The following ANKH variants were observed in gnomAD, a reference collection of about 807,000 sequenced individuals.
ANKH encodes the protein mineralization regulator ANKH.
In ANKH, 15 loss-of-function variants were observed where a neutral mutation model predicts 49.0. That is an observed-to-expected ratio of 0.31 (90% CI 0.20 to 0.47). The LOEUF is 0.47. Among genes scored for constraint, ANKH ranks in the 20% least tolerant of loss-of-function variants. The pLI, the probability that ANKH is intolerant of heterozygous loss-of-function variation, is 1.00. For missense variants in ANKH, 429 were observed against 652.0 expected (o/e 0.66, Z 3.72); for synonymous variants, 273 against 260.0 (o/e 1.05, Z -0.48).
intron 1 of ANKH, among the ~76,000 whole-genome samples, chr5:14,832,154 T>C (rs999045408): frequency 1.3e-5 from 2 of 152,154 alleles, no homozygotes; most frequent in African/African-American, 4.8e-5. Flanking sequence ...TATATATATA[T>C]TTTCTGGTCT....
intron 9 of ANKH, among the ~76,000 whole-genome samples, chr5:14,715,454 G>A (rs541989429): frequency 4.3e-4 from 66 of 152,286 alleles, no homozygotes; most frequent in African/African-American, 1.5e-3. Flanking sequence ...TTAACATTGT[G>A]GCTTTGTAGA....
At chr5:14,795,736 T>C (rs956197540) in intron 1 of ANKH, among the ~76,000 whole-genome samples, 1 of 152,032 alleles carries the variant, frequency 6.6e-6, no homozygotes, top group Non-Finnish European at 1.5e-5. Context: ...CACATATCTG[T>C]AATCCCAGCT....
At chr5:14,833,879 T>C (rs1369309213) in intron 1 of ANKH, among the ~76,000 whole-genome samples, 1 of 152,176 alleles carries the variant, frequency 6.6e-6, no homozygotes, top group Non-Finnish European at 1.5e-5. Context: ...GCAATCTACC[T>C]TCCCTCTCAT....
chr5:14,750,819 T>C (rs1441475038), intron 5 of ANKH, among the ~76,000 whole-genome samples: 2 of 152,210 alleles, frequency 1.3e-5, no homozygotes. Context: ...CCACAGATTC[T>C]CTGTGCCTCT....
In ANKH at chr5:14,705,526, A is replaced by G. The variant is rs1267171604; in HGVS notation, c.*5671T>C. The G allele has an allele frequency of 1.3e-5, 2 of 152,244 alleles. No individual in the cohort carries two copies. The highest frequency in any genetic ancestry group is 3.8e-4 in the East Asian group (2 of 5,196). 9.4% of individuals were successfully genotyped at this position (152,244 alleles called of 1,614,324 possible). On this transcript the variant is annotated 3_prime_UTR_variant, in exon 12 of 12. Coordinates refer to ENST00000284268, the MANE Select transcript of ANKH (RefSeq NM_054027.6). Reference sequence around the variant, plus strand: ...CAGCTTGAATACACTTCTTAAATGAATGAGTGTCGGCATGGAACAGAATCA... The same window carrying G: ...CAGCTTGAATACACTTCTTAAATGAGTGAGTGTCGGCATGGAACAGAATCA...
intron 8 of ANKH, among the ~76,000 whole-genome samples, chr5:14,736,844 T>G (rs1310688131): frequency 1.3e-5 from 2 of 152,212 alleles, no homozygotes; most frequent in African/African-American, 4.8e-5. Context: ...CATTGTGTGC[T>G]AATGGTTTGG....
At chr5:14,757,284 A>G (rs890633213) in intron 3 of ANKH, among the ~76,000 whole-genome samples, 1 of 152,092 alleles carries the variant, frequency 6.6e-6, no homozygotes, top group Non-Finnish European at 1.5e-5. Flanking sequence ...ATCTAACTGC[A>G]TATAAACTTG....
chr5:14,864,864 C>T (rs1735598143), intron 1 of ANKH, among the ~76,000 whole-genome samples: 1 of 152,094 alleles, frequency 6.6e-6, no homozygotes, highest in South Asian at 2.1e-4. Context: ...CACACATACA[C>T]ACCATTTTTT....
chr5:14,751,106 T>A lies in ANKH; in HGVS notation c.650A>T (p.His217Leu). ...TLCLGYYKNIHDIIPDRSGPE... is the reference protein window; with the variant it reads ...TLCLGYYKNILDIIPDRSGPE... ...GCCACTTCTGTCAGGGATGATGTCG[T>A]GAATGTTCTTGTAGTAGCCCAGGCA... is the stretch of plus-strand genomic sequence containing the variant. The change falls in exon 5 of 12, where the codon CAC becomes CTC. Residue 217 changes from histidine to leucine, a missense_variant. Physicochemically the swap from His to Leu is moderately conservative, Grantham distance 99. This residue lies in a region of ANKH where 378 missense variants were observed against 615.3 expected (regional missense o/e 0.61). Coordinates refer to ENST00000284268, the MANE Select transcript of ANKH (RefSeq NM_054027.6). The A allele has an allele frequency of 6.2e-7, 1 of 1,614,224 alleles. No individual in the cohort carries two copies. Among genetic ancestry groups the A allele is most frequent in the Non-Finnish European group, 8.5e-7 (1 of 1,180,028 alleles).
chr5:14,720,254 A>G (rs903353716), intron 8 of ANKH, among the ~76,000 whole-genome samples: 6 of 152,144 alleles, frequency 3.9e-5, no homozygotes, highest in Non-Finnish European at 7.4e-5. Context: ...ATTTAATCCT[A>G]CTGCTTGATG....
intron 2 of ANKH, among the ~76,000 whole-genome samples, chr5:14,764,097 A>AAATAAAT (rs1561044514): frequency 1.5e-4 from 12 of 78,078 alleles, no homozygotes; most frequent in Admixed American, 4.2e-4. Context: ...AATAAATAAA[A>AAATAAAT]ATAAAAAAAG....
In ANKH at chr5:14,712,872, ACCTGCTT is replaced by A; in HGVS notation, c.1360_1365+1del. ...AGGAGGCTCCCGGCGCGGCTGTCTCACCTGCTTCCGGTAGACATAGCACGCAGCGATG... is the reference window on the plus strand; with the variant it reads ...AGGAGGCTCCCGGCGCGGCTGTCTCACCGGTAGACATAGCACGCAGCGATG... On this transcript the variant is annotated splice_donor_variant and coding_sequence_variant, in exon 11 of 12. Transcript: ENST00000284268. LOFTEE classifies it high-confidence loss of function. 1 of 1,606,088 alleles carries A rather than the reference ACCTGCTT, an allele frequency of 6.2e-7. No homozygotes were observed. The highest frequency in any genetic ancestry group is 8.5e-7 in the Non-Finnish European group (1 of 1,176,874).
chr5:14,745,827 T>C lies in ANKH; in HGVS notation c.915+43A>G, dbSNP rs1738515441. 4 of 1,577,654 alleles carry C rather than the reference T, an allele frequency of 2.5e-6. No homozygotes were observed. The East Asian group carries it at 8.9e-5, about 35-fold the overall frequency. On this transcript the variant is annotated intron_variant, in intron 7 of 11. Coordinates refer to ENST00000284268, the MANE Select transcript of ANKH (RefSeq NM_054027.6). The surrounding 1 kb of genome is among the most constrained non-coding windows in gnomAD (Gnocchi z 4.7). ...GAGAGCCCTGTCTATCAAGAAGTCA[T>C]TTCAAAAGCATGTTTCAGACACGAC...
chr5:14,722,908 C>T (rs114931692), intron 8 of ANKH, among the ~76,000 whole-genome samples: 1,628 of 151,854 alleles, frequency 0.011, 29 homozygotes, highest in African/African-American at 0.038. Context: ...CACATACCCT[C>T]GATAAGATGT....
chr5:14,798,195 C>T, intron 1 of ANKH: 46 of 1,586,814 alleles, frequency 2.9e-5, no homozygotes, highest in Non-Finnish European at 4.0e-5. Context: ...TGTGTGTGTC[C>T]CCAGGACAAG....
chr5:14,718,895 A>ATGCT (rs1171689251), intron 8 of ANKH, among the ~76,000 whole-genome samples: 2 of 149,182 alleles, frequency 1.3e-5, no homozygotes, highest in Non-Finnish European at 3.0e-5. Flanking sequence ...ACAAGTTAGC[A>ATGCT]GTAAGATAAG....
At chr5:14,833,791 T>C (rs114319924) in intron 1 of ANKH, among the ~76,000 whole-genome samples, 2,072 of 152,270 alleles carry the variant, frequency 0.014, 42 homozygotes, top group African/African-American at 0.047. Flanking sequence ...TTACATCCCC[T>C]TATGGACCAT....
chr5:14,743,613 C>T lies in ANKH; in HGVS notation c.916-1691G>A, dbSNP rs149413908. On this transcript the variant is annotated intron_variant, in intron 7 of 11. Coordinates refer to ENST00000284268, the MANE Select transcript of ANKH (RefSeq NM_054027.6). ...AAATTTTAAATCTCTGATTCTGGAG[C>T]CCACAAAGAAGCTCAGGATTTCAAC... is the stretch of plus-strand genomic sequence containing the variant. Among the ~76,000 whole-genome samples the T allele has an allele frequency of 3.1e-3, 474 of 152,254 alleles. 2 individuals are homozygous for T. Among genetic ancestry groups the T allele is most frequent in the Non-Finnish European group, 5.2e-3 (356 of 68,026 alleles).
At chr5:14,827,001 T>C (rs1284004011) in intron 1 of ANKH, among the ~76,000 whole-genome samples, 2 of 152,130 alleles carry the variant, frequency 1.3e-5, no homozygotes, top group African/African-American at 4.8e-5. Context: ...ACCAAACCTC[T>C]TCCCTCACCT....
Sources: allele counts gnomAD v4.1 joint callset (sites outside exome capture counted in the v4.1 genomes callset), GRCh38; gene constraint gnomAD v4.1.1; regional missense constraint gnomAD v4.1.1; non-coding constraint Gnocchi (gnomAD v3.1); transcripts MANE v1.5; gene names NCBI Gene and HGNC (gene_info 2026-07-23, HGNC 2026-07-21).